Variants in BLOC1S5 observed in about 807,000 individuals in gnomAD.
The protein encoded by BLOC1S5 is biogenesis of lysosome-related organelles complex 1 subunit 5.
Under a neutral mutation model 24.3 loss-of-function variants are expected in BLOC1S5, and 27 were observed. The observed-to-expected ratio is 1.11, with a 90% confidence interval of 0.82 to 1.53. The LOEUF (loss-of-function observed/expected upper bound fraction) is 1.53, where lower values mean the gene tolerates loss of function less well. Ranked by LOEUF, BLOC1S5 falls within the 40% of genes most tolerant of loss-of-function variation. The pLI, the probability that BLOC1S5 is intolerant of heterozygous loss-of-function variation, is 0.00. For synonymous variants in BLOC1S5, 84 were observed against 74.5 expected, an observed-to-expected ratio of 1.13 and a Z score of -0.66; for missense variants, 239 against 229.4, an observed-to-expected ratio of 1.04 and a Z score of -0.27.
At chr6:8,030,659 G>A (rs2815134) in intron 3 of BLOC1S5, among the ~76,000 whole-genome samples, 58,004 of 149,582 alleles carry the variant, frequency 0.39, 13,127 homozygotes, top group East Asian at 0.78. Flanking sequence ...ATCACTTGAC[G>A]TCAGGAGTTC....
chr6:8,055,652 T>C (rs1208089820), intron 2 of BLOC1S5, among the ~76,000 whole-genome samples: 1 of 152,182 alleles, frequency 6.6e-6, no homozygotes, highest in East Asian at 1.9e-4. Flanking sequence ...ATAACTCCCT[T>C]TTTCGTTTCA....
At chr6:8,021,276 G>A (rs1313540268) in intron 4 of BLOC1S5, among the ~76,000 whole-genome samples, 1 of 152,146 alleles carries the variant, frequency 6.6e-6, no homozygotes, top group Non-Finnish European at 1.5e-5. Flanking sequence ...ACCGTTTACT[G>A]GGTACAGAGT....
intron 2 of BLOC1S5, among the ~76,000 whole-genome samples, chr6:8,045,448 TG>T (rs1763846849): frequency 6.6e-6 from 1 of 152,176 alleles, no homozygotes; most frequent in Non-Finnish European, 1.5e-5. Flanking sequence ...GAGTCCCTAC[TG>T]GGGCACTGCC....
At chr6:8,019,476 C>T (rs1034220573) in intron 4 of BLOC1S5, among the ~76,000 whole-genome samples, 1 of 152,040 alleles carries the variant, frequency 6.6e-6, no homozygotes, top group African/African-American at 2.4e-5. Context: ...ACCACACTGG[C>T]CAGGCTGGTC....
intron 3 of BLOC1S5, among the ~76,000 whole-genome samples, chr6:8,039,338 T>C (rs78097399): frequency 0.039 from 5,948 of 152,250 alleles, 368 homozygotes; most frequent in African/African-American, 0.13. Flanking sequence ...GATATAAATA[T>C]ATGGTCTGAT....
intron 2 of BLOC1S5, among the ~76,000 whole-genome samples, chr6:8,053,302 C>CAA (rs1447187818): frequency 6.6e-6 from 1 of 152,154 alleles, no homozygotes; most frequent in Non-Finnish European, 1.5e-5. Context: ...TTTTATGCTA[C>CAA]AGACAAATCT....
At chr6:8,022,879 C>T (rs996747468) in intron 4 of BLOC1S5, among the ~76,000 whole-genome samples, 39 of 140,974 alleles carry the variant, frequency 2.8e-4, no homozygotes, top group Non-Finnish European at 2.1e-4. Context: ...CCACCGCGCC[C>T]GGCCTCAAAC....
Position 8,026,288 on chromosome 6 carries a change from T to C in BLOC1S5, c.384+79A>G. On this transcript the variant is annotated intron_variant, in intron 4 of 4. Coordinates refer to ENST00000397457, the MANE Select transcript of BLOC1S5 (RefSeq NM_201280.3). ...AAAACTCACTGCATTCAGAGAATTT[T>C]CTGATCAAAAGCAATTGCTAATAAT... The C allele has an allele frequency of 3.3e-6, 4 of 1,198,226 alleles. No homozygotes were observed. In the South Asian group the frequency reaches 5.1e-5, roughly 15 times the overall value. The allele number at this position is 1,198,226 out of a possible 1,614,324, so 74.2% of individuals were successfully genotyped here. A position where few individuals can be genotyped will look rare whatever the true frequency, so the allele number is the denominator to read the frequency against.
intron 2 of BLOC1S5, among the ~76,000 whole-genome samples, chr6:8,060,596 TA>T (rs1421312743): frequency 6.6e-6 from 1 of 152,136 alleles, no homozygotes; most frequent in African/African-American, 2.4e-5. Context: ...TGGGTTGGGA[TA>T]GGGGTAGTGG....
At chr6:8,029,920 G>A (rs1763240609) in intron 3 of BLOC1S5, among the ~76,000 whole-genome samples, 1 of 152,250 alleles carries the variant, frequency 6.6e-6, no homozygotes, top group Middle Eastern at 3.4e-3. Context: ...AGAGGAGATG[G>A]GAATAAATAA....
chr6:8,053,672 A>G (rs996111018), intron 2 of BLOC1S5, among the ~76,000 whole-genome samples: 6 of 152,210 alleles, frequency 3.9e-5, no homozygotes, highest in Non-Finnish European at 8.8e-5. Context: ...AGAGGCCTGT[A>G]ACCAAACCCA....
At position 8,022,276 on chromosome 6, in the gene BLOC1S5, A is replaced by C. The variant is rs1013388687; in HGVS notation, c.384+4091T>G. ...GCAGAGGTCAAGGATGCTGCTAAACATCCTGCAATGCACAGGACAGCACCC... is the reference window on the plus strand; with the variant it reads ...GCAGAGGTCAAGGATGCTGCTAAACCTCCTGCAATGCACAGGACAGCACCC... On this transcript the variant is annotated intron_variant, in intron 4 of 4. Transcript: ENST00000397457. Among the ~76,000 whole-genome samples, 3 of 149,976 alleles carry C rather than the reference A, an allele frequency of 2.0e-5. No homozygotes were observed. The Admixed American group carries it at 2.0e-4, about 10-fold the overall frequency.
intron 2 of BLOC1S5, among the ~76,000 whole-genome samples, chr6:8,048,440 TA>T (rs1274622164): frequency 6.6e-6 from 1 of 152,142 alleles, no homozygotes. Flanking sequence ...TGTATTTTTT[TA>T]AAAAATAGAT....
At chr6:8,017,463 T>A (rs1241615821) in intron 4 of BLOC1S5, among the ~76,000 whole-genome samples, 2 of 152,064 alleles carry the variant, frequency 1.3e-5, no homozygotes, top group Non-Finnish European at 2.9e-5. Flanking sequence ...AGCACTTGAA[T>A]GAAAAAGGGA....
chr6:8,041,523 AG>A (rs1268908495), intron 2 of BLOC1S5, among the ~76,000 whole-genome samples: 10 of 151,820 alleles, frequency 6.6e-5, no homozygotes, highest in Admixed American at 6.6e-4. Flanking sequence ...TGTGTTAGCT[AG>A]GATGGTCTCG....
At chr6:8,023,059 C>T (rs568634839) in intron 4 of BLOC1S5, among the ~76,000 whole-genome samples, 1 of 152,278 alleles carries the variant, frequency 6.6e-6, no homozygotes, top group South Asian at 2.1e-4. Flanking sequence ...AAAGTTGACA[C>T]CACCTGTGCA....
At chr6:8,049,764 T>C (rs1033805999) in intron 2 of BLOC1S5, among the ~76,000 whole-genome samples, 7 of 151,602 alleles carry the variant, frequency 4.6e-5, no homozygotes, top group African/African-American at 1.7e-4. Context: ...CAGGCTGGAG[T>C]AGAGTGGTGT....
intron 1 of BLOC1S5, 115 bp from the exon 2 acceptor site, chr6:8,062,731 A>G: frequency 1.6e-6 from 1 of 644,532 alleles, no homozygotes; most frequent in Non-Finnish European, 2.6e-6. Context: ...AGTTTAGACT[A>G]TGGACTAAGA....
chr6:8,014,323 G>C lies in BLOC1S5; in HGVS notation c.*1326C>G, dbSNP rs1762668867. ...GAGTCTCACTCTGTCACCCAAGCTGGAGTGCAGTGGTGCCATCTCAGCTCA... is the reference window on the plus strand; with the variant it reads ...GAGTCTCACTCTGTCACCCAAGCTGCAGTGCAGTGGTGCCATCTCAGCTCA... On this transcript the variant is annotated 3_prime_UTR_variant, in exon 5 of 5. Coordinates refer to ENST00000397457, the MANE Select transcript of BLOC1S5 (RefSeq NM_201280.3). 6.6e-6 allele frequency: 1 copy of C among 151,990 alleles called. No homozygotes were observed. The highest frequency in any genetic ancestry group is 2.4e-5 in the African/African-American group (1 of 41,334). The allele number at this position is 151,990 out of a possible 1,614,324, so 9.4% of individuals were successfully genotyped here.
Sources: allele counts gnomAD v4.1 joint callset (sites outside exome capture counted in the v4.1 genomes callset), GRCh38; gene constraint gnomAD v4.1.1; transcripts MANE v1.5; gene names NCBI Gene and HGNC (gene_info 2026-07-23, HGNC 2026-07-21).